The following ANAPC1 variants were observed in gnomAD, a reference collection of about 807,000 sequenced individuals.
ANAPC1 encodes anaphase promoting complex subunit 1, also known as anaphase-promoting complex subunit 1.
A neutral mutation model predicts 208.0 loss-of-function variants in ANAPC1; 36 were observed. The ratio of observed to expected loss-of-function variants is 0.17; its 90% confidence interval spans 0.13 to 0.23. The LOEUF (loss-of-function observed/expected upper bound fraction) is 0.23. Among genes scored for constraint, ANAPC1 ranks in the 10% least tolerant of loss-of-function variants. The pLI is 1.00. For synonymous variants in ANAPC1, 378 were observed against 695.2 expected (o/e 0.54, Z 7.18); for missense variants, 942 against 2,011.6 (o/e 0.47, Z 10.17).
intron 21 of ANAPC1, among the ~76,000 whole-genome samples, chr2:111,828,622 A>T (rs1050129971): frequency 1.3e-5 from 2 of 152,260 alleles, no homozygotes; most frequent in Admixed American, 1.3e-4. Flanking sequence ...CCTTTAAAAC[A>T]ATGTAATTTT....
chr2:111,781,842 G>A (rs560709315), intron 43 of ANAPC1, among the ~76,000 whole-genome samples: 4 of 152,384 alleles, frequency 2.6e-5, no homozygotes, highest in African/African-American at 4.8e-5. Flanking sequence ...CTCATTTATC[G>A]TAACTATTTC....
rs150228185 is a variant in ANAPC1 at position 111,853,693 on chromosome 2, C to T, written c.1516-2783G>A. ...GGATCATGAATATTCTTAATGGCAT[C>T]TAGAAAGGTGAATCCTTTCCAGAAG... On this transcript the variant is annotated intron_variant, in intron 13 of 47. Transcript: ENST00000341068. 5.1e-3 allele frequency among the ~76,000 whole-genome samples: 779 copies of T among 151,566 alleles called. 5 individuals carry two copies. The highest frequency in any genetic ancestry group is 0.017 in the African/African-American group (724 of 41,372).
chr2:111,860,897 T>C (rs1466237275), intron 10 of ANAPC1, among the ~76,000 whole-genome samples: 1 of 151,372 alleles, frequency 6.6e-6, no homozygotes, highest in East Asian at 1.9e-4. Flanking sequence ...CACACAATTA[T>C]TGAATACAAT....
Position 111,863,747 on chromosome 2 carries a change from C to T in ANAPC1, c.980G>A (p.Ser327Asn). The T allele has an allele frequency of 6.2e-7, 1 of 1,613,886 alleles. No homozygotes were observed. The highest frequency in any genetic ancestry group is 8.5e-7 in the Non-Finnish European group (1 of 1,179,858). ...GGGTGATGAGGTTGAGCGACTCTGG[C>T]TGTGAATGGAGGAGTAATTCTGGAA... is the stretch of plus-strand genomic sequence containing the variant. Reference protein sequence around the residue: ...SPFQNYSSIHSQSRSTSSPSL... With the variant: ...SPFQNYSSIHNQSRSTSSPSL... The change falls in exon 9 of 48, where the codon AGC becomes AAC. Residue 327 changes from serine (S) to asparagine (N), a missense_variant. Transcript: ENST00000341068.
At chr2:111,857,783 G>A (rs1449716148) in intron 11 of ANAPC1, among the ~76,000 whole-genome samples, 3 of 152,170 alleles carry the variant, frequency 2.0e-5, no homozygotes, top group African/African-American at 7.2e-5. Flanking sequence ...TAGTCAAGAG[G>A]TGGAAATAAA....
rs767767639 is a variant in ANAPC1 at position 111,769,679 on chromosome 2, CTTTTT to C, written c.5720-278_5720-274del. ...TATCTGCATTACACCTACTGGCTTT[CTTTTT>C]TTTTTTTTTTTTTTGGAGACGAAGT... On this transcript the variant is annotated intron_variant, in intron 47 of 47. Transcript: ENST00000341068. Among the ~76,000 whole-genome samples the C allele has an allele frequency of 1.1e-3, 91 of 83,248 alleles. 2 individuals are homozygous for C. Among genetic ancestry groups the C allele is most frequent in the Admixed American group, 8.3e-3 (56 of 6,774 alleles). 54.6% of individuals were successfully genotyped at this position (83,248 alleles called of 152,430 possible). A position where few individuals can be genotyped will look rare whatever the true frequency, so the allele number is the denominator to read the frequency against.
At position 111,864,835 on chromosome 2, in the gene ANAPC1, C is replaced by A. The variant is rs1158763364; in HGVS notation, c.802G>T (p.Val268Leu). The A allele has an allele frequency of 3.7e-6, 6 of 1,611,412 alleles. No individual in the cohort carries two copies. The African/African-American group carries it at 8.0e-5, about 22-fold the overall frequency. Residue 268 changes from valine to leucine, a missense_variant, in exon 8 of 48, where the codon GTG (valine) becomes TTG (leucine). Val to Leu is a conservative substitution (Grantham distance 32). Transcript: ENST00000341068. ...TYDAVQNVHS[V>L]WTLRRVKSEE... ...GATTTGACTCTCCGGAGAGTCCACA[C>A]AGAATGCACATTTTGAACAGCATCA...
intron 7 of ANAPC1, among the ~76,000 whole-genome samples, chr2:111,867,342 C>T (rs761717251): frequency 1.3e-5 from 2 of 151,408 alleles, no homozygotes; most frequent in African/African-American, 2.4e-5. Context: ...TTTACAAAAA[C>T]ATGCTGCAGG....
At chr2:111,792,678 C>T in intron 37 of ANAPC1, 123 bp from the exon 38 acceptor site, 1 of 667,530 alleles carries the variant, frequency 1.5e-6, no homozygotes, top group Non-Finnish European at 2.5e-6. Context: ...CTGGGCTGGG[C>T]ACTGTGGCTC....
chr2:111,862,288 A>G, intron 10 of ANAPC1, 101 bp downstream of exon 10: 1 of 1,082,000 alleles, frequency 9.2e-7, no homozygotes, highest in South Asian at 2.0e-5. Context: ...ACATATATTA[A>G]TAACTGATCA....
At position 111,833,298 on chromosome 2, in the gene ANAPC1, C is replaced by A; in HGVS notation, c.2398G>T (p.Gly800Trp). 2 of 1,586,982 alleles carry A rather than the reference C, an allele frequency of 1.3e-6. No individual in the cohort carries two copies. The highest frequency in any genetic ancestry group is 1.3e-5 in the African/African-American group (1 of 74,694). ...LVQLARDLKLGPYVDHYYRDY... is the reference protein window; with the variant it reads ...LVQLARDLKLWPYVDHYYRDY... ...CTATAGTAATGATCTACATAAGGCC[C>A]CAATTTTAAGTCCCTAAAACAGTAA... is the stretch of plus-strand genomic sequence containing the variant. The change falls in exon 20 of 48, where the codon GGG becomes TGG. Residue 800 changes from glycine to tryptophan, a missense_variant. Coordinates refer to ENST00000341068, the MANE Select transcript of ANAPC1 (RefSeq NM_022662.4).
At chr2:111,788,110 T>C in intron 39 of ANAPC1, 124 bp downstream of exon 39, 1 of 1,438,976 alleles carries the variant, frequency 6.9e-7, no homozygotes, top group East Asian at 2.6e-5. Flanking sequence ...GCCAGGAATA[T>C]AACTAAGTTG....
intron 45 of ANAPC1, among the ~76,000 whole-genome samples, chr2:111,778,099 A>G (rs1677084237): frequency 6.6e-6 from 1 of 152,246 alleles, no homozygotes; most frequent in Non-Finnish European, 1.5e-5. Flanking sequence ...TGTATGTATT[A>G]CTAATTTGCC....
chr2:111,831,522 C>T (rs1405138108), intron 20 of ANAPC1, 88 bp from the exon 21 acceptor site: 6 of 1,116,958 alleles, frequency 5.4e-6, no homozygotes, highest in Non-Finnish European at 7.7e-6. Flanking sequence ...TCAACAGTTA[C>T]TTGTCATTTT....
At position 111,868,110 on chromosome 2, in the gene ANAPC1, A is replaced by T. The variant is rs1326328336; in HGVS notation, c.612-14T>A. The T allele has an allele frequency of 1.9e-6, 3 of 1,562,206 alleles. No individual in the cohort carries two copies. The highest frequency in any genetic ancestry group is 1.4e-5 in the African/African-American group (1 of 73,008). ...GGTAAAGGTTCTCTAGCAATAAACAAATAATCAATTAATTACCAATACGAG... is the reference window on the plus strand; with the variant it reads ...GGTAAAGGTTCTCTAGCAATAAACATATAATCAATTAATTACCAATACGAG... On this transcript the variant is annotated splice_polypyrimidine_tract_variant and intron_variant, in intron 6 of 47. Coordinates refer to ENST00000341068, the MANE Select transcript of ANAPC1 (RefSeq NM_022662.4).
chr2:111,834,592 A>C lies in ANAPC1; in HGVS notation c.2384+12T>G, dbSNP rs577260243. The C allele has an allele frequency of 7.2e-5, 113 of 1,559,078 alleles. No individual in the cohort carries two copies. The South Asian group carries it at 9.2e-4, about 13-fold the overall frequency. ...GACTTCCTGGCAGTTTCTAACCTAC[A>C]AACAAATTTACCTTGCCAACTGAAC... On this transcript the variant is annotated intron_variant, in intron 19 of 47. Transcript: ENST00000341068.
rs1364032869 is a variant in ANAPC1, at chr2:111,843,398, T to C, written c.2040+14A>G. 5 of 1,611,588 alleles carry C rather than the reference T, an allele frequency of 3.1e-6. No homozygotes were observed. Among genetic ancestry groups the C allele is most frequent in the African/African-American group, 2.7e-5 (2 of 74,848 alleles). ...ACAGAATAACTCATAAAGAAAACAATAGTATTTACTTACATTTCTAGTCCA... is the reference window on the plus strand; with the variant it reads ...ACAGAATAACTCATAAAGAAAACAACAGTATTTACTTACATTTCTAGTCCA... On this transcript the variant is annotated intron_variant, in intron 17 of 47. Coordinates refer to ENST00000341068, the MANE Select transcript of ANAPC1 (RefSeq NM_022662.4).
chr2:111,844,668 C>G (rs1680957128), intron 16 of ANAPC1, among the ~76,000 whole-genome samples: 1 of 151,402 alleles, frequency 6.6e-6, no homozygotes, highest in South Asian at 2.1e-4. Flanking sequence ...ATATAATATT[C>G]AATATATGCA....
chr2:111,859,851 G>C (rs936656265), intron 10 of ANAPC1, among the ~76,000 whole-genome samples: 1 of 152,048 alleles, frequency 6.6e-6, no homozygotes, highest in Non-Finnish European at 1.5e-5. Flanking sequence ...CATTTCCTCT[G>C]TTCTGTATTT....
Sources: gnomAD v4.1 joint callset for allele counts (sites outside exome capture counted in the v4.1 genomes callset) on GRCh38, gnomAD v4.1.1 for gene constraint, MANE v1.5 for transcripts, NCBI Gene and HGNC (gene_info 2026-07-23, HGNC 2026-07-21) for gene names.